Variants in LRMDA observed in about 807,000 individuals in gnomAD.
LRMDA encodes the protein leucine-rich melanocyte differentiation-associated protein.
Under a neutral mutation model 29.8 loss-of-function variants are expected in LRMDA, and 18 were observed. The observed-to-expected ratio is 0.60, with a 90% CI of 0.42 to 0.90. The LOEUF (loss-of-function observed/expected upper bound fraction) is 0.90. Among genes scored for constraint, LRMDA ranks in the 40% least tolerant of loss-of-function variants. The pLI is 0.00. For missense variants in LRMDA, 273 were observed against 273.9 expected, an observed-to-expected ratio of 1.00 and a Z score of 0.02; for synonymous variants, 125 against 109.4, an observed-to-expected ratio of 1.14 and a Z score of -0.89.
chr10:76,311,443 T>G (rs1840628726), intron 5 of LRMDA, among the ~76,000 whole-genome samples: 1 of 152,182 alleles, frequency 6.6e-6, no homozygotes, highest in African/African-American at 2.4e-5. Context: ...TCTATTTTTG[T>G]GAAAAAAGAT....
chr10:76,141,478 G>A (rs1850199368), intron 5 of LRMDA, among the ~76,000 whole-genome samples: 1 of 152,180 alleles, frequency 6.6e-6, no homozygotes, highest in East Asian at 1.9e-4. Context: ...CATACTGATT[G>A]TTATAGAACA....
chr10:75,994,242 A>T (rs1398029299), intron 2 of LRMDA, among the ~76,000 whole-genome samples: 1 of 152,324 alleles, frequency 6.6e-6, no homozygotes, highest in East Asian at 1.9e-4. Flanking sequence ...TATGGTCTTT[A>T]TATATCCAAG....
At chr10:76,152,991 C>A (rs1389781011) in intron 5 of LRMDA, among the ~76,000 whole-genome samples, 1 of 152,058 alleles carries the variant, frequency 6.6e-6, no homozygotes, top group Non-Finnish European at 1.5e-5. Flanking sequence ...TAGGCATCCG[C>A]CACCACGTCC....
chr10:76,272,314 CT>C (rs1840077890), intron 5 of LRMDA, among the ~76,000 whole-genome samples: 1 of 152,102 alleles, frequency 6.6e-6, no homozygotes, highest in Non-Finnish European at 1.5e-5. Flanking sequence ...CCACATGGGA[CT>C]TGTATGGGGC....
chr10:76,102,291 A>G (rs908582277), intron 5 of LRMDA, among the ~76,000 whole-genome samples: 8 of 152,166 alleles, frequency 5.3e-5, no homozygotes, highest in Non-Finnish European at 1.0e-4. Context: ...TTTTTTACAT[A>G]GGTAAACCGC....
At chr10:75,602,887 A>G (rs895902444) in intron 2 of LRMDA, among the ~76,000 whole-genome samples, 131 of 152,336 alleles carry the variant, frequency 8.6e-4, no homozygotes, top group African/African-American at 3.1e-3. Flanking sequence ...GAAAGAACGT[A>G]AGAAATACTG....
In LRMDA at chr10:76,309,122, G is replaced by A. The variant is rs1335647125; in HGVS notation, c.517-15279G>A. 2.6e-5 allele frequency among the ~76,000 whole-genome samples: 4 copies of A among 152,318 alleles called. No homozygotes were observed. In the East Asian group the frequency reaches 7.7e-4, roughly 29 times the overall value. On this transcript the variant is annotated intron_variant, in intron 5 of 6. Coordinates refer to ENST00000611255, the MANE Select transcript of LRMDA (RefSeq NM_001305581.2). ...CCGTGGCTTCCCTTTTCGAGGCAAA[G>A]ATGGATCATTGGGTAAACCAAAAAG... is the stretch of plus-strand genomic sequence containing the variant.
chr10:76,165,011 C>T (rs1564672351), intron 5 of LRMDA, among the ~76,000 whole-genome samples: 1 of 152,166 alleles, frequency 6.6e-6, no homozygotes, highest in Non-Finnish European at 1.5e-5. Context: ...TTGCTCTTGT[C>T]CCCCAGGCTA....
chr10:75,445,202 A>G (rs1844376217), intron 2 of LRMDA, among the ~76,000 whole-genome samples: 1 of 152,194 alleles, frequency 6.6e-6, no homozygotes, highest in Admixed American at 6.5e-5. Context: ...CCTCAGCCAA[A>G]GTGCTGGGAT....
chr10:76,203,434 C>T (rs975587167), intron 5 of LRMDA, among the ~76,000 whole-genome samples: 3 of 152,228 alleles, frequency 2.0e-5, no homozygotes, highest in African/African-American at 7.2e-5. Flanking sequence ...GAGCCACTGT[C>T]CCTGGCCCAA....
At chr10:75,959,682 T>C (rs1358957202) in intron 2 of LRMDA, among the ~76,000 whole-genome samples, 1 of 152,216 alleles carries the variant, frequency 6.6e-6, no homozygotes, top group Non-Finnish European at 1.5e-5. Context: ...GTGTATGCAT[T>C]ACTGTACCTA....
At chr10:76,321,275 G>A (rs987829266) in intron 5 of LRMDA, among the ~76,000 whole-genome samples, 6 of 152,184 alleles carry the variant, frequency 3.9e-5, no homozygotes, top group East Asian at 1.9e-4. Flanking sequence ...GTAGTTGAAC[G>A]AATGTACATT....
intron 2 of LRMDA, among the ~76,000 whole-genome samples, chr10:75,898,198 G>C (rs1395215753): frequency 6.6e-6 from 1 of 152,028 alleles, no homozygotes; most frequent in African/African-American, 2.4e-5. Context: ...CTATTGGTTT[G>C]AAACAAAGAA....
chr10:76,007,349 G>T (rs1053207109), intron 2 of LRMDA, among the ~76,000 whole-genome samples: 6 of 151,508 alleles, frequency 4.0e-5, no homozygotes, highest in Non-Finnish European at 8.8e-5. Flanking sequence ...TTAGGAGACC[G>T]CTGTTTTCAG....
intron 5 of LRMDA, among the ~76,000 whole-genome samples, chr10:76,153,042 T>G (rs1284081639): frequency 6.6e-6 from 1 of 152,102 alleles, no homozygotes; most frequent in Non-Finnish European, 1.5e-5. Flanking sequence ...GGTTTCACCA[T>G]GTTGGTCATG....
At chr10:76,259,941 T>A (rs1322746167) in intron 5 of LRMDA, among the ~76,000 whole-genome samples, 1 of 152,114 alleles carries the variant, frequency 6.6e-6, no homozygotes, top group African/African-American at 2.4e-5. Flanking sequence ...TCTTTTTCCA[T>A]CCCTTCAGTT....
intron 2 of LRMDA, among the ~76,000 whole-genome samples, chr10:75,979,878 A>G (rs760456357): frequency 6.6e-6 from 1 of 152,222 alleles, no homozygotes; most frequent in Non-Finnish European, 1.5e-5. Context: ...ATCTATGAAA[A>G]TGGACATTAA....
At chr10:75,555,234 A>T (rs1840199912) in intron 2 of LRMDA, among the ~76,000 whole-genome samples, 1 of 152,012 alleles carries the variant, frequency 6.6e-6, no homozygotes, top group Non-Finnish European at 1.5e-5. Flanking sequence ...AGGGGAGCTG[A>T]CTCTTGGAAG....
chr10:76,415,600 G>A (rs1183366257), intron 6 of LRMDA, among the ~76,000 whole-genome samples: 1 of 133,476 alleles, frequency 7.5e-6, no homozygotes, highest in Non-Finnish European at 1.7e-5. Flanking sequence ...GCTGGGGCGT[G>A]TATGTGTGTG....
Sources: allele counts gnomAD v4.1 joint callset (sites outside exome capture counted in the v4.1 genomes callset), GRCh38; gene constraint gnomAD v4.1.1; transcripts MANE v1.5; gene names NCBI Gene and HGNC (gene_info 2026-07-23, HGNC 2026-07-21).